NXN: variants seen among roughly 807,000 people sequenced by gnomAD.
NXN encodes the protein nucleoredoxin, also known as nucleoredoxin 1.
A neutral mutation model predicts 48.6 loss-of-function variants in NXN; 16 were observed. The ratio of observed to expected loss-of-function variants is 0.33; its 90% confidence interval spans 0.22 to 0.50. NXN has a LOEUF of 0.50. NXN is among the 20% of genes least tolerant of loss of function. The pLI, the probability that NXN is intolerant of heterozygous loss-of-function variation, is 0.98. For missense variants in NXN, 492 were observed against 605.5 expected, an observed-to-expected ratio of 0.81 and a Z score of 1.97; for synonymous variants, 281 against 269.6, an observed-to-expected ratio of 1.04 and a Z score of -0.41.
intron 1 of NXN, among the ~76,000 whole-genome samples, chr17:948,693 C>A (rs989174425): frequency 6.6e-6 from 1 of 151,962 alleles, no homozygotes. Context: ...TGGGTCCCAA[C>A]GCGGGGCCTC....
intron 1 of NXN, among the ~76,000 whole-genome samples, chr17:936,280 C>T (rs2068906855): frequency 6.6e-6 from 1 of 152,026 alleles, no homozygotes; most frequent in African/African-American, 2.4e-5. Context: ...CCAGAAACGT[C>T]CCCTGCGACA....
At chr17:846,833 G>A (rs758108639) in intron 1 of NXN, among the ~76,000 whole-genome samples, 5 of 152,102 alleles carry the variant, frequency 3.3e-5, no homozygotes, top group African/African-American at 9.7e-5. Context: ...TAACAAAGGC[G>A]AGAAGGGAAA....
At chr17:842,736 A>G (rs1427923422) in intron 1 of NXN, among the ~76,000 whole-genome samples, 2 of 152,300 alleles carry the variant, frequency 1.3e-5, no homozygotes, top group Non-Finnish European at 2.9e-5. Context: ...TCAGGAGTTC[A>G]AGACCAGCCC....
chr17:809,885 TACGTTAAGAGTCCCTGTGAGTGCCGTGC>T (rs1567810367), intron 5 of NXN, among the ~76,000 whole-genome samples: 6 of 118,452 alleles, frequency 5.1e-5, no homozygotes, highest in African/African-American at 1.5e-4. Flanking sequence ...GAGTGGCGTG[TACGTTAAGAGTCCCTGTGAGTGCCGTGC>T]ACGTTAAGAG....
intron 1 of NXN, chr17:933,255 T>C (rs962091354): frequency 6.6e-6 from 1 of 152,260 alleles, no homozygotes; most frequent in Admixed American, 6.5e-5. Context: ...AAGACAAAGT[T>C]GAGGCCTTTG....
intron 1 of NXN, among the ~76,000 whole-genome samples, chr17:853,361 T>A (rs2067945974): frequency 6.6e-6 from 1 of 151,784 alleles, no homozygotes; most frequent in Non-Finnish European, 1.5e-5. Flanking sequence ...GGCAGGAGAA[T>A]CGCTTGAACC....
At chr17:924,749 A>G (rs1395956357) in intron 1 of NXN, among the ~76,000 whole-genome samples, 1 of 152,022 alleles carries the variant, frequency 6.6e-6, no homozygotes, top group African/African-American at 2.4e-5. Context: ...CCTGCTCCCC[A>G]GCCCCAGCCC....
chr17:886,328 T>TA (rs1325092567), intron 1 of NXN, among the ~76,000 whole-genome samples: 2 of 152,140 alleles, frequency 1.3e-5, no homozygotes, highest in Non-Finnish European at 2.9e-5. Context: ...GAAGGTTCTC[T>TA]AACATCCAAG....
chr17:896,787 A>G (rs984952605), intron 1 of NXN: 1 of 991,940 alleles, frequency 1.0e-6, no homozygotes, highest in African/African-American at 1.8e-5. Flanking sequence ...GCTTCCCTAA[A>G]TTCTCTACAA....
chr17:852,211 C>T (rs1033923212), intron 1 of NXN, among the ~76,000 whole-genome samples: 1 of 152,202 alleles, frequency 6.6e-6, no homozygotes, highest in Non-Finnish European at 1.5e-5. Context: ...GCTCTTCTGC[C>T]ATCCGGGGGC....
chr17:866,911 G>A (rs975583321), intron 1 of NXN, among the ~76,000 whole-genome samples: 1 of 152,232 alleles, frequency 6.6e-6, no homozygotes. Context: ...CAGGCTGCGG[G>A]TCAGAACATG....
intron 1 of NXN, among the ~76,000 whole-genome samples, chr17:866,194 T>C (rs1024973975): frequency 2.0e-5 from 3 of 152,224 alleles, no homozygotes; most frequent in African/African-American, 7.2e-5. Flanking sequence ...ATTAGATTTT[T>C]TTTTTTAAAT....
At position 821,588 on chromosome 17, in the gene NXN, G is replaced by C. The variant is rs1284069485; in HGVS notation, c.713+769C>G. 7.9e-5 allele frequency among the ~76,000 whole-genome samples: 6 copies of C among 75,696 alleles called. 3 individuals carry two copies. Among genetic ancestry groups the C allele is most frequent in the African/African-American group, 4.9e-4 (6 of 12,346 alleles). 49.7% of individuals were successfully genotyped at this position (75,696 alleles called of 152,430 possible). The stretch of plus-strand genomic sequence containing the variant: ...CTGGCTAACATGGTGAAACCCCATG[G>C]CTAATACAAAAAATTAGCCAGGCAT... On this transcript the variant is annotated intron_variant, in intron 4 of 7. Coordinates refer to ENST00000336868, the MANE Select transcript of NXN (RefSeq NM_022463.5).
intron 1 of NXN, among the ~76,000 whole-genome samples, chr17:938,199 A>C (rs978032785): frequency 6.6e-6 from 1 of 152,266 alleles, no homozygotes; most frequent in African/African-American, 2.4e-5. Flanking sequence ...GAGGCCGGAG[A>C]GGAACAAGCT....
At chr17:908,936 C>T (rs1172471749) in intron 1 of NXN, among the ~76,000 whole-genome samples, 2 of 152,060 alleles carry the variant, frequency 1.3e-5, no homozygotes, top group Admixed American at 6.6e-5. Flanking sequence ...ACCCCCGTCT[C>T]TACTAAAACT....
chr17:805,023 C>CCCCCCCCCCCCCCCCCACCCCCCCCA, intron 6 of NXN, 45 bp downstream of exon 6: 1 of 1,505,614 alleles, frequency 6.6e-7, no homozygotes, highest in Non-Finnish European at 9.0e-7. Context: ...CCTCCTGTCC[C>CCCCCCCCCCCCCCCCCACCCCCCCCA]GCCCCCCAGC....
At chr17:842,489 G>C in intron 1 of NXN, 1 of 985,002 alleles carries the variant, frequency 1.0e-6, no homozygotes, top group South Asian at 4.7e-5. Context: ...GGAGGATGAA[G>C]GATGAACACG....
At chr17:944,456 C>T (rs1322463483) in intron 1 of NXN, among the ~76,000 whole-genome samples, 6 of 152,190 alleles carry the variant, frequency 3.9e-5, no homozygotes, top group Non-Finnish European at 7.3e-5. Flanking sequence ...TTTTCCCAGT[C>T]GGCTGCAAAG....
At chr17:887,083 A>AT (rs576994309) in intron 1 of NXN, among the ~76,000 whole-genome samples, 7,107 of 145,510 alleles carry the variant, frequency 0.049, 288 homozygotes, top group African/African-American at 0.11. Flanking sequence ...TAATTTTTGT[A>AT]TTTTTTTTTT....
Sources: gnomAD v4.1 joint callset for allele counts (sites outside exome capture counted in the v4.1 genomes callset) on GRCh38, gnomAD v4.1.1 for gene constraint, MANE v1.5 for transcripts, NCBI Gene and HGNC (gene_info 2026-07-23, HGNC 2026-07-21) for gene names.